The following PRMT1 variants were observed in gnomAD, a reference collection of about 807,000 sequenced individuals.
The protein encoded by PRMT1 is protein arginine methyltransferase 1.
PRMT1 carries 5 observed loss-of-function variants against 47.4 expected under a neutral mutation model. The ratio of observed to expected loss-of-function variants is 0.11; its 90% confidence interval spans 0.06 to 0.22. The LOEUF (loss-of-function observed/expected upper bound fraction) is 0.22. PRMT1 is among the 10% of genes least tolerant of loss of function. The pLI, the probability that PRMT1 is intolerant of heterozygous loss-of-function variation, is 1.00. For missense variants in PRMT1, 249 were observed against 518.4 expected (o/e 0.48, Z 5.05); for synonymous variants, 227 against 204.6 (o/e 1.11, Z -0.94).
Position 49,686,618 on chromosome 19 carries a change from G to A in PRMT1, c.924G>A (p.Pro308=), listed in dbSNP as rs763842934. 40 of 1,611,266 alleles carry A rather than the reference G, an allele frequency of 2.5e-5. No individual in the cohort carries two copies. The highest frequency in any genetic ancestry group is 2.2e-4 in the Middle Eastern group (1 of 4,604). ...RTGFSTSPES[P]YTHWKQTVFY... Reference sequence around the variant, plus strand: ...CCGCGCCCCCAGGCCCCGAGTCCCCGTACACGCACTGGAAGCAGACGGTGT... The same window carrying A: ...CCGCGCCCCCAGGCCCCGAGTCCCCATACACGCACTGGAAGCAGACGGTGT... Residue 308 remains proline, a synonymous_variant, in exon 10 of 11, where the codon CCG becomes CCA. Transcript: ENST00000454376.
rs1313626621 is a variant in PRMT1, at chr19:49,686,938, C to G, written c.1032+212C>G. Among the ~76,000 whole-genome samples the G allele has an allele frequency of 2.6e-5, 4 of 152,100 alleles. No individual in the cohort carries two copies. In the East Asian group the frequency reaches 7.7e-4, roughly 29 times the overall value. On this transcript the variant is annotated intron_variant, in intron 10 of 10. Transcript: ENST00000454376. ...CATGCCTGTCTACACAGCAGGATTGCTTGAGCATTCACCGGAAGTTATGGG... is the reference window on the plus strand; with the variant it reads ...CATGCCTGTCTACACAGCAGGATTGGTTGAGCATTCACCGGAAGTTATGGG...
chr19:49,680,377 T>G lies in PRMT1; in HGVS notation c.91-110T>G. 8.9e-7 allele frequency: 1 copy of G among 1,126,740 alleles called. No homozygotes were observed. The highest frequency in any genetic ancestry group is 1.3e-6 in the Non-Finnish European group (1 of 750,920). The allele number at this position is 1,126,740 out of a possible 1,614,324, so 69.8% of individuals were successfully genotyped here. ...CGGGGGCTGTAGGGTTGTCATGGTA[T>G]GATTTTGGGGGTTCTATACTACTCT... On this transcript the variant is annotated intron_variant, in intron 2 of 10. Transcript: ENST00000454376. The surrounding 1 kb of genome is among the most constrained non-coding windows in gnomAD (Gnocchi z 4.2).
In PRMT1 at chr19:49,680,698, G is replaced by T. The variant is rs985550314; in HGVS notation, c.192+110G>T. ...GCACTGCTTCCCCTGGCCGCAGGCC[G>T]CCCCCCTGCCCCTCTGCTGCGCACT... On this transcript the variant is annotated intron_variant, in intron 3 of 10. Transcript: ENST00000454376. The surrounding 1 kb of genome is among the most constrained non-coding windows in gnomAD (Gnocchi z 4.2). The T allele has an allele frequency of 8.2e-6, 7 of 854,752 alleles. No individual in the cohort carries two copies. In the Admixed American group the frequency reaches 1.5e-4, roughly 18 times the overall value. The allele number at this position is 854,752 out of a possible 1,614,324, so 52.9% of individuals were successfully genotyped here.
In PRMT1 at chr19:49,680,727, T is replaced by TA. The variant is rs2082105478; in HGVS notation, c.192+140dup. On this transcript the variant is annotated intron_variant, in intron 3 of 10. Coordinates refer to ENST00000454376, the MANE Select transcript of PRMT1 (RefSeq NM_001536.6). This position sits in a 1 kb window ranked among gnomAD's most constrained non-coding sequence, Gnocchi z 4.2. Reference sequence around the variant, plus strand: ...CCCTGCCCCTCTGCTGCGCACTTCCTAGGGTCGCCTCGCCAAGCCGTTGCC... The same window carrying TA: ...CCCTGCCCCTCTGCTGCGCACTTCCTAAGGGTCGCCTCGCCAAGCCGTTGCC... 26 of 672,050 alleles carry TA rather than the reference T, an allele frequency of 3.9e-5. No individual in the cohort carries two copies. The South Asian group carries it at 4.3e-4, about 11-fold the overall frequency. The allele number at this position is 672,050 out of a possible 1,614,324, so 41.6% of individuals were successfully genotyped here.
intron 10 of PRMT1, among the ~76,000 whole-genome samples, chr19:49,687,684 G>A (rs1401461177): frequency 4.6e-5 from 7 of 152,160 alleles, no homozygotes; most frequent in African/African-American, 1.7e-4. Context: ...CACGGCACTA[G>A]CTGGGAAACG....
chr19:49,685,331 G>A lies in PRMT1; in HGVS notation c.759+294G>A, dbSNP rs2082189044. The A allele has an allele frequency of 1.5e-6, 2 of 1,333,986 alleles. No individual in the cohort carries two copies. The highest frequency in any genetic ancestry group is 1.9e-6 in the Non-Finnish European group (2 of 1,034,358). The allele number at this position is 1,333,986 out of a possible 1,614,324, so 82.6% of individuals were successfully genotyped here. On this transcript the variant is annotated intron_variant, in intron 8 of 10. Transcript: ENST00000454376. The surrounding 1 kb of genome is among the most constrained non-coding windows in gnomAD (Gnocchi z 4.7). ...CGGAAAGGCAGGACCCCAGGGCGAT[G>A]AGCGGATGCACATGCACGCGGGCCA...
At chr19:49,686,869 G>T in intron 10 of PRMT1, 143 bp downstream of exon 10, 1 of 999,856 alleles carries the variant, frequency 1.0e-6, no homozygotes, top group Admixed American at 2.8e-5. Flanking sequence ...GCTGGCGGGG[G>T]CGAGCACCTC....
In PRMT1 at chr19:49,680,019, C is replaced by T. The variant is rs2082092333; in HGVS notation, c.90+94C>T. 9 of 1,348,338 alleles carry T rather than the reference C, an allele frequency of 6.7e-6. No homozygotes were observed. The highest frequency in any genetic ancestry group is 9.4e-6 in the Non-Finnish European group (9 of 960,506). 83.5% of individuals were successfully genotyped at this position (1,348,338 alleles called of 1,614,324 possible). A position where few individuals can be genotyped will look rare whatever the true frequency, so the allele number is the denominator to read the frequency against. On this transcript the variant is annotated intron_variant, in intron 2 of 10. Transcript: ENST00000454376. This position sits in a 1 kb window ranked among gnomAD's most constrained non-coding sequence, Gnocchi z 4.2. ...GCCCTTTCTTGAGGTCTAACCATAC[C>T]CCTCTTGCTTCAAACCAGTTTACCC... is the stretch of plus-strand genomic sequence containing the variant.
chr19:49,677,332 G>A lies in PRMT1; in HGVS notation c.36+16G>A. On this transcript the variant is annotated intron_variant, in intron 1 of 10. Transcript: ENST00000454376. ...CATCATGGAGGTGAGCGCTTGGAGC[G>A]CCGCCGTGGGCGGGAGGCGGCTTTG... The A allele has an allele frequency of 1.4e-6, 2 of 1,390,252 alleles. No homozygotes were observed. Among genetic ancestry groups the A allele is most frequent in the South Asian group, 3.4e-5 (2 of 58,458 alleles). 86.1% of individuals were successfully genotyped at this position (1,390,252 alleles called of 1,614,324 possible). A position where few individuals can be genotyped will look rare whatever the true frequency, so the allele number is the denominator to read the frequency against.
In PRMT1 at chr19:49,684,276, C is replaced by T. The variant is rs75811875; in HGVS notation, c.555+207C>T. Among the ~76,000 whole-genome samples, 1,024 of 152,074 alleles carry T rather than the reference C, an allele frequency of 6.7e-3. 28 individuals carry two copies. Among genetic ancestry groups the T allele is most frequent in the Admixed American group, 0.056 (860 of 15,266 alleles). On this transcript the variant is annotated intron_variant, in intron 6 of 10. Coordinates refer to ENST00000454376, the MANE Select transcript of PRMT1 (RefSeq NM_001536.6). The surrounding 1 kb of genome is among the most constrained non-coding windows in gnomAD (Gnocchi z 6.2). ...GGTCGTAGGAACAGGAAATCCGTAG[C>T]GGCGCAATAGCCCAGGTCCTTAGGC...
At chr19:49,687,258 G>C (rs369511574) in intron 10 of PRMT1, among the ~76,000 whole-genome samples, 1 of 152,210 alleles carries the variant, frequency 6.6e-6, no homozygotes. Flanking sequence ...GGGGGCTTCC[G>C]GGGGAGCTGG....
intron 10 of PRMT1, chr19:49,687,906 A>T (rs920190859): frequency 1.7e-6 from 1 of 575,840 alleles, no homozygotes; most frequent in African/African-American, 1.9e-5. Flanking sequence ...AATCATCCTG[A>T]TGGAGAAATC....
chr19:49,677,750 G>A (rs2082058628), intron 1 of PRMT1, among the ~76,000 whole-genome samples: 1 of 151,962 alleles, frequency 6.6e-6, no homozygotes, highest in South Asian at 2.1e-4. Flanking sequence ...GGGGACCTGG[G>A]CACACGCCGT....
upstream of PRMT1, chr19:49,677,138 G>T: frequency 1.4e-6 from 1 of 708,424 alleles, no homozygotes; most frequent in Non-Finnish European, 2.0e-6. Context: ...GGTATTCTCA[G>T]ACGGGCCGCC....
intron 2 of PRMT1, 39 bp downstream of exon 2, chr19:49,679,964 T>C (rs757885500): frequency 3.9e-6 from 6 of 1,557,856 alleles, no homozygotes; most frequent in Non-Finnish European, 5.3e-6. Flanking sequence ...CACCCTGACC[T>C]CCACATCAAT....
At position 49,688,303 on chromosome 19, in the gene PRMT1, G is replaced by C; in HGVS notation, c.*58G>C. ...GGCTGAGCGTTCCTAGGCGGTTTCG[G>C]GGCTCCCCCTTCCTCTCCCTCCCTC... On this transcript the variant is annotated 3_prime_UTR_variant, in exon 11 of 11. Coordinates refer to ENST00000454376, the MANE Select transcript of PRMT1 (RefSeq NM_001536.6). The surrounding 1 kb of genome is among the most constrained non-coding windows in gnomAD (Gnocchi z 5.3). 6.4e-7 allele frequency: 1 copy of C among 1,556,612 alleles called. No individual in the cohort carries two copies. The highest frequency in any genetic ancestry group is 8.8e-7 in the Non-Finnish European group (1 of 1,131,958).
chr19:49,682,164 G>A (rs757453496), intron 4 of PRMT1, 32 bp from the exon 5 acceptor site: 1 of 1,613,668 alleles, frequency 6.2e-7, no homozygotes, highest in Non-Finnish European at 8.5e-7. Context: ...GCAGGGGATG[G>A]GTCTCACCCT....
At chr19:49,679,653 A>G in intron 1 of PRMT1, 1 of 694,098 alleles carries the variant, frequency 1.4e-6, no homozygotes. Context: ...CCATCTCTCC[A>G]GCCACAGCTG....
chr19:49,686,752 AG>A, intron 10 of PRMT1, 26 bp downstream of exon 10: 1 of 1,251,528 alleles, frequency 8.0e-7, no homozygotes, highest in Non-Finnish European at 1.1e-6. Context: ...GCTGGGTGGG[AG>A]GGTGGCAGCT....
Sources: allele counts gnomAD v4.1 joint callset (sites outside exome capture counted in the v4.1 genomes callset), GRCh38; gene constraint gnomAD v4.1.1; non-coding constraint Gnocchi (gnomAD v3.1); transcripts MANE v1.5; gene names NCBI Gene and HGNC (gene_info 2026-07-23, HGNC 2026-07-21).